Variants in CEP41 observed in about 807,000 individuals in gnomAD.
The protein encoded by CEP41 is centrosomal protein 41.
CEP41 carries 32 observed loss-of-function variants against 44.3 expected under a neutral mutation model. The ratio of observed to expected loss-of-function variants is 0.72; its 90% confidence interval spans 0.54 to 0.97. CEP41 has a LOEUF of 0.97. CEP41 is among the 50% of genes least tolerant of loss of function. The pLI is 0.00. For missense variants in CEP41, 432 were observed against 455.2 expected, an observed-to-expected ratio of 0.95 and a Z score of 0.46; for synonymous variants, 151 against 168.5, an observed-to-expected ratio of 0.90 and a Z score of 0.80.
Position 130,398,070 on chromosome 7 carries a change from TG to T in CEP41, c.*820del. The T allele has an allele frequency of 2.2e-6, 1 of 454,136 alleles. No homozygotes were observed. The highest frequency in any genetic ancestry group is 4.4e-6 in the Non-Finnish European group (1 of 226,792). The allele number at this position is 454,136 out of a possible 1,614,324, so 28.1% of individuals were successfully genotyped here. The stretch of plus-strand genomic sequence containing the variant: ...CCATCTAACATGGATGGACTGAAGC[TG>T]GGCAATGGGCGTCATAACTGATATA... On this transcript the variant is annotated 3_prime_UTR_variant, in exon 11 of 11. Transcript: ENST00000223208.
intron 10 of CEP41, 138 bp downstream of exon 10, chr7:130,399,901 G>T: frequency 1.3e-6 from 1 of 746,006 alleles, no homozygotes; most frequent in Non-Finnish European, 2.4e-6. Flanking sequence ...CACCTCCACT[G>T]CCTCCCCTCC....
intron 2 of CEP41, among the ~76,000 whole-genome samples, chr7:130,427,411 A>T (rs1797696010): frequency 1.3e-5 from 2 of 152,196 alleles, no homozygotes; most frequent in African/African-American, 4.8e-5. Flanking sequence ...CTGCAGCACT[A>T]ATTAAATTCT....
intron 5 of CEP41, among the ~76,000 whole-genome samples, chr7:130,409,193 T>G (rs1471399222): frequency 5.9e-5 from 9 of 152,214 alleles, no homozygotes; most frequent in African/African-American, 2.2e-4. Flanking sequence ...ACAGATACAA[T>G]CTGTTCCCCA....
rs1293272332 is a variant in CEP41, at chr7:130,395,749, A to C, written c.*3142T>G. On this transcript the variant is annotated 3_prime_UTR_variant, in exon 11 of 11. Coordinates refer to ENST00000223208, the MANE Select transcript of CEP41 (RefSeq NM_018718.3). ...GGTCGAGTAGCCTAAAGTCTTAAGA[A>C]TTTTTGTATAATTTAAATAGCACCA... 6 of 453,672 alleles carry C rather than the reference A, an allele frequency of 1.3e-5. No individual in the cohort carries two copies. The highest frequency in any genetic ancestry group is 2.6e-5 in the Non-Finnish European group (6 of 226,752). 28.1% of individuals were successfully genotyped at this position (453,672 alleles called of 1,614,324 possible). A position where few individuals can be genotyped will look rare whatever the true frequency, so the allele number is the denominator to read the frequency against.
At position 130,397,792 on chromosome 7, in the gene CEP41, AT is replaced by A. The variant is rs1554415453; in HGVS notation, c.*1098del. 1 of 445,784 alleles carries A rather than the reference AT, an allele frequency of 2.2e-6. No individual in the cohort carries two copies. The highest frequency in any genetic ancestry group is 1.6e-5 in the South Asian group (1 of 63,782). The allele number at this position is 445,784 out of a possible 1,614,324, so 27.6% of individuals were successfully genotyped here. Reference sequence around the variant, plus strand: ...TGGAATGAATGTCAGTCATTTAGCAATTCAATTAATGCTGATTCAAAATTCC... The same window carrying A: ...TGGAATGAATGTCAGTCATTTAGCAATCAATTAATGCTGATTCAAAATTCC... On this transcript the variant is annotated 3_prime_UTR_variant, in exon 11 of 11. Coordinates refer to ENST00000223208, the MANE Select transcript of CEP41 (RefSeq NM_018718.3).
At chr7:130,431,046 G>GA (rs1395973447) in intron 1 of CEP41, among the ~76,000 whole-genome samples, 1 of 152,040 alleles carries the variant, frequency 6.6e-6, no homozygotes, top group Non-Finnish European at 1.5e-5. Flanking sequence ...TGCTGCAAGA[G>GA]AAAAAAATGT....
intron 1 of CEP41, among the ~76,000 whole-genome samples, chr7:130,432,377 G>T (rs1213615986): frequency 1.3e-5 from 2 of 152,172 alleles, no homozygotes; most frequent in African/African-American, 4.8e-5. Context: ...CTCCAAAAAA[G>T]GGAGTTGAGG....
In CEP41 at chr7:130,396,098, CTTTTT is replaced by C. The variant is rs1360949783; in HGVS notation, c.*2788_*2792del. 3 of 453,958 alleles carry C rather than the reference CTTTTT, an allele frequency of 6.6e-6. No individual in the cohort carries two copies. The highest frequency in any genetic ancestry group is 1.3e-5 in the Non-Finnish European group (3 of 226,762). The allele number at this position is 453,958 out of a possible 1,614,324, so 28.1% of individuals were successfully genotyped here. A position where few individuals can be genotyped will look rare whatever the true frequency, so the allele number is the denominator to read the frequency against. On this transcript the variant is annotated 3_prime_UTR_variant, in exon 11 of 11. Transcript: ENST00000223208. ...TCCTTGCTTCTTTCTCCCTTCCTTT[CTTTTT>C]TTCTTTTCTCCCTTCCTTAAACACA...
chr7:130,404,734 T>G (rs1427365910), intron 5 of CEP41, 26 bp from the exon 6 acceptor site: 1 of 1,573,000 alleles, frequency 6.4e-7, no homozygotes, highest in Non-Finnish European at 8.7e-7. Context: ...GAAGAAATAA[T>G]TAGATTGAAC....
upstream of CEP41, chr7:130,441,230 C>A (rs577745305): frequency 8.1e-6 from 5 of 619,212 alleles, no homozygotes; most frequent in Non-Finnish European, 1.5e-5. Flanking sequence ...CTCGCCGGCT[C>A]CAGCCTTAGG....
At position 130,397,107 on chromosome 7, in the gene CEP41, A is replaced by G. The variant is rs1796686013; in HGVS notation, c.*1784T>C. 2.2e-6 allele frequency: 1 copy of G among 454,524 alleles called. No homozygotes were observed. The allele number at this position is 454,524 out of a possible 1,614,324, so 28.2% of individuals were successfully genotyped here. ...CATGCTAGGGGAAAGCTGAGTGTGGAAAAATGTGCATTTTTCTATCTATGC... is the reference window on the plus strand; with the variant it reads ...CATGCTAGGGGAAAGCTGAGTGTGGGAAAATGTGCATTTTTCTATCTATGC... On this transcript the variant is annotated 3_prime_UTR_variant, in exon 11 of 11. Coordinates refer to ENST00000223208, the MANE Select transcript of CEP41 (RefSeq NM_018718.3).
At chr7:130,408,038 C>T (rs1325584748) in intron 5 of CEP41, among the ~76,000 whole-genome samples, 2 of 152,038 alleles carry the variant, frequency 1.3e-5, no homozygotes, top group East Asian at 1.9e-4. Flanking sequence ...AAGATTAAAT[C>T]GTTAACATGG....
intron 1 of CEP41, among the ~76,000 whole-genome samples, chr7:130,429,112 AT>A: frequency 6.6e-6 from 1 of 152,006 alleles, no homozygotes. Flanking sequence ...TTTCTAGGCC[AT>A]TTCCTCTGGA....
intron 3 of CEP41, among the ~76,000 whole-genome samples, 187 bp from the exon 4 acceptor site, chr7:130,412,427 T>C (rs1797211431): frequency 6.6e-6 from 1 of 152,236 alleles, no homozygotes; most frequent in Admixed American, 6.5e-5. Context: ...TTTGTTTCCC[T>C]TTGCTTTGTC....
rs146616016 is a variant in CEP41, at chr7:130,402,379, A to G, written c.574+269T>C. ...CAAAAAAAAAAATCAACAAGCCATA[A>G]ACCTAAACACTTCTGTGAAAGAAAA... On this transcript the variant is annotated intron_variant, in intron 7 of 10. Transcript: ENST00000223208. Among the ~76,000 whole-genome samples, 1,862 of 152,186 alleles carry G rather than the reference A, an allele frequency of 0.012. 23 individuals are homozygous for G. Among genetic ancestry groups the G allele is most frequent in the Non-Finnish European group, 0.021 (1,396 of 67,978 alleles).
Position 130,397,837 on chromosome 7 carries a change from T to A in CEP41, c.*1054A>T, listed in dbSNP as rs1441741715. The stretch of plus-strand genomic sequence containing the variant: ...AAATTCCGGCCAAAACCAGAATCTA[T>A]AATCACAACTTCCTAATCACAGTTC... On this transcript the variant is annotated 3_prime_UTR_variant, in exon 11 of 11. Coordinates refer to ENST00000223208, the MANE Select transcript of CEP41 (RefSeq NM_018718.3). The A allele has an allele frequency of 2.2e-6, 1 of 447,268 alleles. No individual in the cohort carries two copies. Among genetic ancestry groups the A allele is most frequent in the African/African-American group, 2.0e-5 (1 of 49,792 alleles). 27.7% of individuals were successfully genotyped at this position (447,268 alleles called of 1,614,324 possible). A position where few individuals can be genotyped will look rare whatever the true frequency, so the allele number is the denominator to read the frequency against.
intron 5 of CEP41, chr7:130,410,833 T>C (rs1178908752): frequency 8.6e-6 from 4 of 464,256 alleles, no homozygotes; most frequent in African/African-American, 5.9e-5. Flanking sequence ...GTACTTAATG[T>C]GTAGGTACAA....
At chr7:130,425,775 T>C (rs372489876) in intron 2 of CEP41, among the ~76,000 whole-genome samples, 3 of 152,334 alleles carry the variant, frequency 2.0e-5, no homozygotes, top group East Asian at 3.9e-4. Flanking sequence ...GGTGAATGGT[T>C]AAACTTGGTA....
At chr7:130,422,371 T>C (rs916670025) in intron 2 of CEP41, among the ~76,000 whole-genome samples, 2 of 152,194 alleles carry the variant, frequency 1.3e-5, no homozygotes, top group African/African-American at 4.8e-5. Flanking sequence ...AACTCTGTAC[T>C]CTTACTTGGG....
Sources: gnomAD v4.1 joint callset for allele counts (sites outside exome capture counted in the v4.1 genomes callset) on GRCh38, gnomAD v4.1.1 for gene constraint, MANE v1.5 for transcripts, NCBI Gene and HGNC (gene_info 2026-07-23, HGNC 2026-07-21) for gene names.